MAN2A1: variants seen among roughly 807,000 people sequenced by gnomAD.
MAN2A1 encodes alpha-mannosidase 2.
In MAN2A1, 76 loss-of-function variants were observed where a neutral mutation model predicts 142.6. The ratio of observed to expected loss-of-function variants is 0.53; its 90% CI spans 0.44 to 0.65. MAN2A1 has a LOEUF of 0.65. Among genes scored for constraint, MAN2A1 ranks in the 30% least tolerant of loss-of-function variants. The pLI is 0.00. For missense variants in MAN2A1, 1,311 were observed against 1,365.1 expected (o/e 0.96, Z 0.62); for synonymous variants, 559 against 473.2 (o/e 1.18, Z -2.35).
At chr5:109,862,222 T>C (rs768377387) in intron 20 of MAN2A1, 1 of 152,184 alleles carries the variant, frequency 6.6e-6, no homozygotes, top group Non-Finnish European at 1.5e-5. Context: ...GAAAAAATCA[T>C]TGGTCTGATC....
At chr5:109,729,705 G>A (rs1167937292) in intron 4 of MAN2A1, among the ~76,000 whole-genome samples, 192 bp downstream of exon 4, 1 of 152,066 alleles carries the variant, frequency 6.6e-6, no homozygotes, top group East Asian at 1.9e-4. Context: ...TTTAAATCCT[G>A]TGTTCCACTG....
chr5:109,724,153 C>G (rs1751680568), intron 3 of MAN2A1, among the ~76,000 whole-genome samples: 1 of 152,090 alleles, frequency 6.6e-6, no homozygotes, highest in Admixed American at 6.5e-5. Flanking sequence ...AAGTATATGA[C>G]TAGAAGTTGC....
chr5:109,727,858 G>A (rs969990096), intron 3 of MAN2A1, among the ~76,000 whole-genome samples: 2 of 152,182 alleles, frequency 1.3e-5, no homozygotes. Context: ...TGGGGGCAGT[G>A]TTCCAGGTTA....
intron 4 of MAN2A1, among the ~76,000 whole-genome samples, chr5:109,738,233 G>GTTTTTTT (rs70999941): frequency 8.2e-6 from 1 of 122,584 alleles, no homozygotes; most frequent in Non-Finnish European, 1.7e-5. Flanking sequence ...GGTATTTTAT[G>GTTTTTTT]TTTTTTTTTT....
intron 1 of MAN2A1, among the ~76,000 whole-genome samples, chr5:109,705,215 A>G (rs1582805633): frequency 6.6e-6 from 1 of 151,850 alleles, no homozygotes. Context: ...CCAAGCTACC[A>G]TGGCTTTTAC....
chr5:109,750,494 T>C (rs555116450), intron 4 of MAN2A1, among the ~76,000 whole-genome samples: 1 of 152,104 alleles, frequency 6.6e-6, no homozygotes, highest in Non-Finnish European at 1.5e-5. Context: ...TATTACAATA[T>C]GGTCCATATT....
Position 109,781,943 on chromosome 5 carries a change from G to T in MAN2A1, c.1577+345G>T, listed in dbSNP as rs76572196. Among the ~76,000 whole-genome samples, 967 of 152,216 alleles carry T rather than the reference G, an allele frequency of 6.4e-3. 15 individuals are homozygous for T. Among genetic ancestry groups the T allele is most frequent in the African/African-American group, 0.022 (903 of 41,534 alleles). On this transcript the variant is annotated intron_variant, in intron 9 of 21. Coordinates refer to ENST00000261483, the MANE Select transcript of MAN2A1 (RefSeq NM_002372.4). The stretch of plus-strand genomic sequence containing the variant: ...CACCATCATGAGTGTCTGCAGGCTG[G>T]TAATCTGATAGGCTTCTCATTGGAA...
chr5:109,819,277 C>T (rs1215019615), intron 13 of MAN2A1, among the ~76,000 whole-genome samples: 4 of 152,190 alleles, frequency 2.6e-5, no homozygotes, highest in Admixed American at 2.6e-4. Flanking sequence ...TATTAAACAC[C>T]TTTTTGACTT....
At chr5:109,759,905 A>C (rs1752791860) in intron 5 of MAN2A1, among the ~76,000 whole-genome samples, 1 of 151,772 alleles carries the variant, frequency 6.6e-6, no homozygotes, top group Admixed American at 6.6e-5. Flanking sequence ...CCTATTTTCA[A>C]GTTTCTAAGT....
intron 16 of MAN2A1, chr5:109,840,590 G>A (rs1376388181): frequency 4.0e-6 from 2 of 495,930 alleles, no homozygotes; most frequent in Admixed American, 2.1e-5. Flanking sequence ...TAACAACAGG[G>A]CCATCTTCTG....
At chr5:109,798,939 A>G (rs1753939029) in intron 12 of MAN2A1, among the ~76,000 whole-genome samples, 1 of 151,866 alleles carries the variant, frequency 6.6e-6, no homozygotes, top group East Asian at 1.9e-4. Context: ...TGATCCGCCC[A>G]CCTCAGCCTC....
chr5:109,730,699 G>C (rs1412266765), intron 4 of MAN2A1, among the ~76,000 whole-genome samples: 1 of 152,072 alleles, frequency 6.6e-6, no homozygotes, highest in Non-Finnish European at 1.5e-5. Flanking sequence ...CCTGTTCTAA[G>C]CACTTTACAA....
At chr5:109,745,112 C>T (rs539894455) in intron 4 of MAN2A1, among the ~76,000 whole-genome samples, 10 of 151,590 alleles carry the variant, frequency 6.6e-5, no homozygotes, top group African/African-American at 9.7e-5. Context: ...GGTGAGTGGG[C>T]GAGCATGGAT....
chr5:109,740,853 G>A lies in MAN2A1; in HGVS notation c.707+11340G>A, dbSNP rs1032130914. Among the ~76,000 whole-genome samples, 3 of 152,014 alleles carry A rather than the reference G, an allele frequency of 2.0e-5. No homozygotes were observed. The East Asian group carries it at 5.8e-4, about 29-fold the overall frequency. ...AAATGCTGCCAATTTTATGGCCTGC[G>A]GATGGCCTGTTTCTCCTGACTCTAC... is the stretch of plus-strand genomic sequence containing the variant. On this transcript the variant is annotated intron_variant, in intron 4 of 21. Coordinates refer to ENST00000261483, the MANE Select transcript of MAN2A1 (RefSeq NM_002372.4).
chr5:109,713,745 C>T lies in MAN2A1; in HGVS notation c.361C>T (p.Gln121Ter). Residue 121 changes from glutamine (Q) to a stop codon, truncating the protein, a stop_gained, in exon 2 of 22, where the codon CAA (glutamine) becomes TAA (stop). Transcript: ENST00000261483. LOFTEE classifies it high-confidence loss of function. ...VDTADCLFAS[Q>*]SGSHNSDVQM... Reference sequence around the variant, plus strand: ...CACTGCAGACTGTCTGTTTGCTTCACAAAGTGGAAGTCACAATTCAGATGT... The same window carrying T: ...CACTGCAGACTGTCTGTTTGCTTCATAAAGTGGAAGTCACAATTCAGATGT... The T allele has an allele frequency of 6.2e-7, 1 of 1,613,818 alleles. No individual in the cohort carries two copies. The highest frequency in any genetic ancestry group is 1.1e-5 in the South Asian group (1 of 91,060).
chr5:109,811,600 G>GTGTGTGTGTC (rs1554080734), intron 12 of MAN2A1, among the ~76,000 whole-genome samples: 1 of 151,668 alleles, frequency 6.6e-6, no homozygotes, highest in African/African-American at 2.4e-5. Flanking sequence ...GTGTGTGTGT[G>GTGTGTGTGTC]TGTGTGTCTG....
At chr5:109,842,879 C>T (rs1269642369) in intron 17 of MAN2A1, among the ~76,000 whole-genome samples, 1 of 143,572 alleles carries the variant, frequency 7.0e-6, no homozygotes. Context: ...GATCTCAGCT[C>T]ACTGCAGCCT....
intron 17 of MAN2A1, among the ~76,000 whole-genome samples, chr5:109,844,381 G>A (rs1755294342): frequency 6.6e-6 from 1 of 152,126 alleles, no homozygotes; most frequent in Admixed American, 6.6e-5. Flanking sequence ...GCAACAACAC[G>A]ATTGTGGTAG....
At chr5:109,813,563 A>G (rs1754374859) in intron 12 of MAN2A1, among the ~76,000 whole-genome samples, 1 of 152,238 alleles carries the variant, frequency 6.6e-6, no homozygotes, top group African/African-American at 2.4e-5. Flanking sequence ...CAGCCCAGGC[A>G]TGCAGGATGC....
Sources: allele counts gnomAD v4.1 joint callset (sites outside exome capture counted in the v4.1 genomes callset), GRCh38; gene constraint gnomAD v4.1.1; transcripts MANE v1.5; gene names NCBI Gene and HGNC (gene_info 2026-07-23, HGNC 2026-07-21).